EPHA3: variants seen among roughly 807,000 people sequenced by gnomAD.
EPHA3 encodes ephrin type-A receptor 3.
In EPHA3, 42 loss-of-function variants were observed where a neutral mutation model predicts 107.1. The observed-to-expected ratio is 0.39, with a 90% CI of 0.31 to 0.51. The LOEUF is 0.51. Ranked by LOEUF, EPHA3 falls within the 20% of genes least tolerant of loss-of-function variation. The probability of loss-of-function intolerance (pLI) is 0.78; values close to 1 mark genes in which losing one functional copy is unlikely to be tolerated. For synonymous variants in EPHA3, 461 were observed against 424.8 expected, an observed-to-expected ratio of 1.09 and a Z score of -1.05; for missense variants, 1,183 against 1,211.2, an observed-to-expected ratio of 0.98 and a Z score of 0.35.
chr3:89,343,158 T>G (rs1176448213), intron 5 of EPHA3, among the ~76,000 whole-genome samples: 13 of 152,252 alleles, frequency 8.5e-5, no homozygotes, highest in Non-Finnish European at 1.8e-4. Flanking sequence ...GTGACTAAAT[T>G]ATCTTATCAC....
chr3:89,261,939 C>T (rs1471541353), intron 3 of EPHA3, among the ~76,000 whole-genome samples: 1 of 151,672 alleles, frequency 6.6e-6, no homozygotes, highest in Non-Finnish European at 1.5e-5. Flanking sequence ...TACATATGAA[C>T]ACACACATTT....
At chr3:89,233,847 A>G (rs1427044991) in intron 3 of EPHA3, among the ~76,000 whole-genome samples, 1 of 152,148 alleles carries the variant, frequency 6.6e-6, no homozygotes, top group Non-Finnish European at 1.5e-5. Flanking sequence ...ATGATTTGCT[A>G]TTTTCCAAGC....
chr3:89,392,560 C>G (rs1419719385), intron 5 of EPHA3, among the ~76,000 whole-genome samples: 1 of 151,886 alleles, frequency 6.6e-6, no homozygotes, highest in Non-Finnish European at 1.5e-5. Context: ...CTGTAGCTCT[C>G]AGCATTTTTC....
intron 2 of EPHA3, among the ~76,000 whole-genome samples, chr3:89,206,341 C>A (rs770552151): frequency 3.9e-5 from 6 of 152,118 alleles, no homozygotes; most frequent in Non-Finnish European, 8.8e-5. Flanking sequence ...ACAATATGTT[C>A]TGTTTGATGT....
chr3:89,160,548 TTGTG>T lies in EPHA3; in HGVS notation c.153+33314_153+33317del, dbSNP rs1164056787. 5.4e-3 allele frequency among the ~76,000 whole-genome samples: 646 copies of T among 120,512 alleles called. 4 individuals are homozygous for T. The highest frequency in any genetic ancestry group is 0.013 in the East Asian group (56 of 4,440). The allele number at this position is 120,512 out of a possible 152,430, so 79.1% of individuals were successfully genotyped here. A position where few individuals can be genotyped will look rare whatever the true frequency, so the allele number is the denominator to read the frequency against. ...AGTCAGAGAAAAGTAATATTAGATTTTGTGTGTGTGTGTGTGTGTGTGTGTGTGT... is the reference window on the plus strand; with the variant it reads ...AGTCAGAGAAAAGTAATATTAGATTTTGTGTGTGTGTGTGTGTGTGTGTGT... On this transcript the variant is annotated intron_variant, in intron 2 of 16. Coordinates refer to ENST00000336596, the MANE Select transcript of EPHA3 (RefSeq NM_005233.6).
At chr3:89,129,806 T>C (rs34469393) in intron 2 of EPHA3, among the ~76,000 whole-genome samples, 80,567 of 151,826 alleles carry the variant, frequency 0.53, 22,334 homozygotes, top group Admixed American at 0.64. Flanking sequence ...TAGATACTTA[T>C]AACAATTGTG....
intron 3 of EPHA3, among the ~76,000 whole-genome samples, chr3:89,211,890 G>A (rs997998923): frequency 6.6e-6 from 1 of 150,834 alleles, no homozygotes; most frequent in African/African-American, 2.4e-5. Context: ...ATAGTAAATG[G>A]TAAATTTTTC....
At chr3:89,132,883 C>CT (rs1704235109) in intron 2 of EPHA3, among the ~76,000 whole-genome samples, 1 of 152,088 alleles carries the variant, frequency 6.6e-6, no homozygotes, top group Admixed American at 6.6e-5. Context: ...GAGCCAGACT[C>CT]TGTCTCTCAA....
intron 8 of EPHA3, 57 bp from the exon 9 acceptor site, chr3:89,408,010 G>A (rs1196140510): frequency 2.7e-6 from 4 of 1,491,936 alleles, no homozygotes; most frequent in Middle Eastern, 1.7e-4. Flanking sequence ...TCTGAGCATA[G>A]GTAACTATTT....
At chr3:89,466,413 G>T (rs1418126432) in intron 15 of EPHA3, among the ~76,000 whole-genome samples, 3 of 113,758 alleles carry the variant, frequency 2.6e-5, no homozygotes, top group East Asian at 4.5e-4. Context: ...GGCAATGGCG[G>T]GCGCCCCTCC....
At chr3:89,176,527 G>GT (rs1705324255) in intron 2 of EPHA3, among the ~76,000 whole-genome samples, 1 of 143,824 alleles carries the variant, frequency 7.0e-6, no homozygotes, top group South Asian at 2.2e-4. Flanking sequence ...AAAAATATAT[G>GT]TTTTTTCACC....
At chr3:89,130,704 G>T (rs1311915186) in intron 2 of EPHA3, among the ~76,000 whole-genome samples, 3 of 150,100 alleles carry the variant, frequency 2.0e-5, no homozygotes, top group Admixed American at 6.7e-5. Context: ...GCGCGATCTC[G>T]GCTCACTGCA....
intron 2 of EPHA3, among the ~76,000 whole-genome samples, chr3:89,164,199 TAGA>T (rs1705010491): frequency 6.6e-6 from 1 of 152,176 alleles, no homozygotes; most frequent in South Asian, 2.1e-4. Flanking sequence ...TGGGTCAAAT[TAGA>T]AGAAGAATAA....
intron 3 of EPHA3, among the ~76,000 whole-genome samples, chr3:89,219,487 G>T (rs1346465920): frequency 4.6e-5 from 7 of 151,444 alleles, no homozygotes; most frequent in Non-Finnish European, 8.8e-5. Flanking sequence ...ATGAGTGTCT[G>T]CTATACCAAA....
intron 1 of EPHA3, among the ~76,000 whole-genome samples, chr3:89,121,227 C>T (rs926222275): frequency 2.7e-5 from 4 of 150,794 alleles, no homozygotes; most frequent in Non-Finnish European, 4.4e-5. Flanking sequence ...CAGAGCGAGA[C>T]TCCGTCTCAA....
intron 2 of EPHA3, among the ~76,000 whole-genome samples, chr3:89,137,574 T>G (rs1704342714): frequency 6.6e-6 from 1 of 152,008 alleles, no homozygotes; most frequent in Admixed American, 6.6e-5. Flanking sequence ...TAAACCACCT[T>G]AAGTATTTCT....
chr3:89,353,875 G>A (rs754911538), intron 5 of EPHA3, among the ~76,000 whole-genome samples: 5 of 151,212 alleles, frequency 3.3e-5, no homozygotes, highest in African/African-American at 1.2e-4. Context: ...TTTTCATTCC[G>A]TCTTCATTTC....
chr3:89,144,786 G>A (rs987682937), intron 2 of EPHA3, among the ~76,000 whole-genome samples: 1 of 151,496 alleles, frequency 6.6e-6, no homozygotes, highest in Non-Finnish European at 1.5e-5. Context: ...TATGGCAATT[G>A]TTTATATTTT....
chr3:89,234,819 C>T (rs1704716957), intron 3 of EPHA3, among the ~76,000 whole-genome samples: 1 of 95,006 alleles, frequency 1.1e-5, no homozygotes, highest in East Asian at 3.7e-4. Flanking sequence ...CCTTTCTTTC[C>T]TTCCTTTCCT....
Sources: allele counts gnomAD v4.1 joint callset (sites outside exome capture counted in the v4.1 genomes callset), GRCh38; gene constraint gnomAD v4.1.1; transcripts MANE v1.5; gene names NCBI Gene and HGNC (gene_info 2026-07-23, HGNC 2026-07-21).